The following MEF2C variants were observed in gnomAD, a reference collection of about 807,000 sequenced individuals.
The protein encoded by MEF2C is myocyte-specific enhancer factor 2C.
Under a neutral mutation model 50.5 loss-of-function variants are expected in MEF2C, and 6 were observed. That is an observed-to-expected ratio of 0.12 (90% CI 0.07 to 0.23). The LOEUF is 0.23. Among genes scored for constraint, MEF2C ranks in the 10% least tolerant of loss-of-function variants. MEF2C has a pLI of 1.00. For synonymous variants in MEF2C, 183 were observed against 228.0 expected (o/e 0.80, Z 1.78); for missense variants, 276 against 605.0 (o/e 0.46, Z 5.70).
Position 88,728,507 on chromosome 5 carries a change from G to T in MEF2C, c.1086C>A (p.Ala362=), listed in dbSNP as rs1057521169. 7.9e-6 allele frequency: 12 copies of T among 1,516,226 alleles called. No individual in the cohort carries two copies. Among genetic ancestry groups the T allele is most frequent in the Non-Finnish European group, 1.1e-5 (12 of 1,128,188 alleles). 93.9% of individuals were successfully genotyped at this position (1,516,226 alleles called of 1,614,324 possible). A position where few individuals can be genotyped will look rare whatever the true frequency, so the allele number is the denominator to read the frequency against. ...ATATTGCTTACCCCAACTGACTGAG[G>T]GCAGATGGTGGCATGTTATGTAGGT... The part of the protein sequence containing the change: ...QQHLHNMPPS[A]LSQLGACTST... Residue 362 remains alanine, a synonymous_variant, in exon 10 of 11, where the codon GCC becomes GCA. Coordinates refer to ENST00000504921, the MANE Select transcript of MEF2C (RefSeq NM_002397.5).
At position 88,717,788 on chromosome 5, in the gene MEF2C, T is replaced by A. The variant is rs571712229; in HGVS notation, c.*4816A>T. The A allele has an allele frequency of 1.2e-4, 19 of 152,360 alleles. No individual in the cohort carries two copies. The highest frequency in any genetic ancestry group is 8.3e-4 in the South Asian group (4 of 4,828). 9.4% of individuals were successfully genotyped at this position (152,360 alleles called of 1,614,324 possible). A position where few individuals can be genotyped will look rare whatever the true frequency, so the allele number is the denominator to read the frequency against. On this transcript the variant is annotated 3_prime_UTR_variant, in exon 11 of 11. Coordinates refer to ENST00000504921, the MANE Select transcript of MEF2C (RefSeq NM_002397.5). ...TAGTCTCTAAAATGTATGAATTCAC[T>A]AATTTATTCAGATTTATAAGCCTAT...
At chr5:88,736,017 AATTCTGCC>A in intron 6 of MEF2C, 1 of 985,394 alleles carries the variant, frequency 1.0e-6, no homozygotes, top group Non-Finnish European at 1.2e-6. Context: ...GACCATGGCT[AATTCTGCC>A]ATTGGCATAA....
intron 1 of MEF2C, among the ~76,000 whole-genome samples, chr5:88,874,396 T>A (rs1170278303): frequency 6.6e-6 from 1 of 151,970 alleles, no homozygotes; most frequent in Non-Finnish European, 1.5e-5. Context: ...ATAGTTTTAA[T>A]TTGAATTTTT....
chr5:88,802,239 A>G (rs620392), intron 3 of MEF2C, among the ~76,000 whole-genome samples: 3,658 of 152,320 alleles, frequency 0.024, 137 homozygotes, highest in African/African-American at 0.084. Flanking sequence ...TTCAAATCCA[A>G]TGCCTTCATT....
In MEF2C at chr5:88,823,889, C is replaced by G; in HGVS notation, c.-101G>C. The G allele has an allele frequency of 6.4e-7, 1 of 1,566,350 alleles. No individual in the cohort carries two copies. The highest frequency in any genetic ancestry group is 8.6e-7 in the Non-Finnish European group (1 of 1,157,736). ...CCTCCAAACAAATCTCCTTCTTCAG[C>G]ACTTGCACAGCTCAGTTCCCAAATT... On this transcript the variant is annotated 5_prime_UTR_variant, in exon 2 of 11. Coordinates refer to ENST00000504921, the MANE Select transcript of MEF2C (RefSeq NM_002397.5).
intron 9 of MEF2C, 28 bp downstream of exon 9, chr5:88,729,190 A>G (rs1352074843): frequency 6.2e-7 from 1 of 1,611,960 alleles, no homozygotes; most frequent in Non-Finnish European, 8.5e-7. Context: ...TATTTAGTGT[A>G]CTAATTGCAC....
intron 1 of MEF2C, among the ~76,000 whole-genome samples, chr5:88,864,295 G>A (rs1826519711): frequency 6.6e-6 from 1 of 151,418 alleles, no homozygotes; most frequent in African/African-American, 2.4e-5. Context: ...AATATCACAT[G>A]TACCCTATCA....
intron 6 of MEF2C, chr5:88,737,275 C>G (rs1475203734): frequency 3.0e-6 from 3 of 985,260 alleles, no homozygotes; most frequent in African/African-American, 3.5e-5. Flanking sequence ...TTGAGACAAA[C>G]TGCTTATCTA....
intron 1 of MEF2C, among the ~76,000 whole-genome samples, chr5:88,836,010 T>C (rs760651622): frequency 7.2e-5 from 11 of 152,094 alleles, no homozygotes; most frequent in Non-Finnish European, 1.5e-4. Context: ...TCCTCTTTTT[T>C]GGAGGAAGTT....
chr5:88,781,738 G>A (rs778034449), intron 3 of MEF2C, among the ~76,000 whole-genome samples: 10 of 152,150 alleles, frequency 6.6e-5, no homozygotes, highest in Admixed American at 1.3e-4. Context: ...TTGGGAAGCC[G>A]AGGCAAGCGG....
chr5:88,829,413 T>G (rs73179426), intron 1 of MEF2C, among the ~76,000 whole-genome samples: 3,719 of 152,060 alleles, frequency 0.024, 154 homozygotes, highest in African/African-American at 0.086. Flanking sequence ...ATTGAAACTG[T>G]ATGTTTGCTT....
intron 6 of MEF2C, chr5:88,735,470 G>T (rs1229564214): frequency 1.0e-6 from 1 of 985,090 alleles, no homozygotes; most frequent in Non-Finnish European, 1.2e-6. Flanking sequence ...GGAGTGAATG[G>T]ATTTCCTGAT....
At chr5:88,850,265 G>A (rs1014350819) in intron 1 of MEF2C, among the ~76,000 whole-genome samples, 2 of 152,110 alleles carry the variant, frequency 1.3e-5, no homozygotes, top group Non-Finnish European at 2.9e-5. Flanking sequence ...CTTGTTTTGT[G>A]TCATGCACTA....
chr5:88,784,919 G>C (rs1580659190), intron 3 of MEF2C, among the ~76,000 whole-genome samples: 1 of 152,094 alleles, frequency 6.6e-6, no homozygotes, highest in African/African-American at 2.4e-5. Flanking sequence ...CACCCTGTAT[G>C]CTGCATAAAG....
chr5:88,895,319 A>G (rs1009095253), intron 1 of MEF2C, among the ~76,000 whole-genome samples: 2 of 152,200 alleles, frequency 1.3e-5, no homozygotes, highest in African/African-American at 4.8e-5. Context: ...ACTGCTAACT[A>G]TATTATCCTT....
At chr5:88,874,547 T>C (rs1561445354) in intron 1 of MEF2C, among the ~76,000 whole-genome samples, 1 of 152,084 alleles carries the variant, frequency 6.6e-6, no homozygotes, top group South Asian at 2.1e-4. Flanking sequence ...GAATATGCCA[T>C]TGTTATCATA....
intron 6 of MEF2C, among the ~76,000 whole-genome samples, chr5:88,744,676 A>C (rs1373007145): frequency 6.6e-6 from 1 of 152,240 alleles, no homozygotes; most frequent in Non-Finnish European, 1.5e-5. Flanking sequence ...ACCTTAGAAA[A>C]GTCACTGTTA....
At chr5:88,869,276 TACATATATATATATATATAC>T (rs1554050930) in intron 1 of MEF2C, among the ~76,000 whole-genome samples, 14 of 101,740 alleles carry the variant, frequency 1.4e-4, no homozygotes, top group Non-Finnish European at 2.0e-4. Context: ...TATATATATA[TACATATATATATATATATAC>T]ACATATATAT....
intron 10 of MEF2C, among the ~76,000 whole-genome samples, chr5:88,726,957 C>A (rs568727169): frequency 6.6e-6 from 1 of 151,954 alleles, no homozygotes; most frequent in African/African-American, 2.4e-5. Context: ...TTAGGGAAAT[C>A]TAGCCCTATA....
Sources: gnomAD v4.1 joint callset for allele counts (sites outside exome capture counted in the v4.1 genomes callset) on GRCh38, gnomAD v4.1.1 for gene constraint, MANE v1.5 for transcripts, NCBI Gene and HGNC (gene_info 2026-07-23, HGNC 2026-07-21) for gene names.